The following TACC1 variants were observed in gnomAD, a reference collection of about 807,000 sequenced individuals.
TACC1 encodes the protein transforming acidic coiled-coil-containing protein 1.
Under a neutral mutation model 84.4 loss-of-function variants are expected in TACC1, and 48 were observed. The observed-to-expected ratio is 0.57, with a 90% CI of 0.45 to 0.72. TACC1 has a LOEUF of 0.72. Ranked by LOEUF, TACC1 falls within the 30% of genes least tolerant of loss-of-function variation. The pLI is 0.00. For synonymous variants in TACC1, 372 were observed against 376.3 expected (o/e 0.99, Z 0.13); for missense variants, 920 against 973.0 (o/e 0.95, Z 0.72).
chr8:38,802,572 T>C (rs528974812), intron 2 of TACC1, among the ~76,000 whole-genome samples: 136 of 152,248 alleles, frequency 8.9e-4, no homozygotes, highest in Middle Eastern at 3.4e-3. Context: ...GCCAAAAAGG[T>C]TGGGGACCAC....
At chr8:38,752,933 A>G (rs868348313) in intron 3 of TACC1, among the ~76,000 whole-genome samples, 9 of 152,246 alleles carry the variant, frequency 5.9e-5, no homozygotes, top group Middle Eastern at 3.4e-3. Flanking sequence ...GACAGACAAC[A>G]GCAGGGTTGC....
intron 3 of TACC1, among the ~76,000 whole-genome samples, chr8:38,771,732 T>C (rs1439976212): frequency 1.3e-5 from 2 of 152,186 alleles, no homozygotes; most frequent in Non-Finnish European, 2.9e-5. Flanking sequence ...TTTTACTTTA[T>C]TTATTTGCTT....
At position 38,848,485 on chromosome 8, in the gene TACC1, T is replaced by G. The variant is rs1443640568; in HGVS notation, c.*462T>G. The stretch of plus-strand genomic sequence containing the variant: ...AGTTTGGCCTATTGTTACTTCCAAT[T>G]TATAATCAAGAAGGGGCTCTGGATC... On this transcript the variant is annotated 3_prime_UTR_variant, in exon 13 of 13. Transcript: ENST00000317827. The G allele has an allele frequency of 2.0e-5, 3 of 153,070 alleles. No individual in the cohort carries two copies. The highest frequency in any genetic ancestry group is 7.2e-5 in the African/African-American group (3 of 41,452). 9.5% of individuals were successfully genotyped at this position (153,070 alleles called of 1,614,324 possible).
rs1235111146 is a variant in TACC1 at position 38,741,892 on chromosome 8, T to A, written c.-674-459T>A. The stretch of plus-strand genomic sequence containing the variant: ...GCCAGGGCATAAAAAATAGCCTGTT[T>A]AAAAAAAAATCAATAAAAATCTCAG... On this transcript the variant is annotated intron_variant, in intron 1 of 14. Transcript: ENST00000518415. Among the ~76,000 whole-genome samples, 6 of 151,968 alleles carry A rather than the reference T, an allele frequency of 3.9e-5. No homozygotes were observed. In the East Asian group the frequency reaches 1.2e-3, roughly 29 times the overall value.
chr8:38,759,930 G>A (rs554800155), intron 3 of TACC1, among the ~76,000 whole-genome samples: 21 of 152,170 alleles, frequency 1.4e-4, no homozygotes, highest in African/African-American at 2.2e-4. Context: ...AATGTTACCC[G>A]GCTACAGACT....
intron 1 of TACC1, chr8:38,788,095 CG>C (rs1260709360): frequency 4.1e-6 from 1 of 245,334 alleles, no homozygotes; most frequent in Non-Finnish European, 7.8e-6. Flanking sequence ...AGGGCCCCCC[CG>C]TGGGGAAGAA....
chr8:38,814,605 G>A (rs552982485), intron 2 of TACC1, among the ~76,000 whole-genome samples: 91 of 152,240 alleles, frequency 6.0e-4, no homozygotes, highest in African/African-American at 2.1e-3. Flanking sequence ...ACAGTGACCC[G>A]CACAATGATG....
At chr8:38,757,315 G>A (rs1436196933) in intron 3 of TACC1, 3 of 1,262,722 alleles carry the variant, frequency 2.4e-6, no homozygotes, top group East Asian at 7.1e-5. Context: ...GTGCAGCCCC[G>A]GCCCCAAGTT....
intron 3 of TACC1, among the ~76,000 whole-genome samples, chr8:38,755,812 C>CATGATT (rs1809923459): frequency 6.7e-6 from 1 of 149,926 alleles, no homozygotes; most frequent in Non-Finnish European, 1.5e-5. Context: ...GTGAAGAGAT[C>CATGATT]ATTATTATTA....
In TACC1 at chr8:38,787,729, A is replaced by G; in HGVS notation, c.147A>G (p.Lys49=). The G allele has an allele frequency of 1.3e-6, 2 of 1,545,080 alleles. No homozygotes were observed. The highest frequency in any genetic ancestry group is 1.7e-6 in the Non-Finnish European group (2 of 1,154,172). ...PEEEDSQAET[K]SLSFSSDSEG... is the part of the protein sequence containing the mutation. ...AGGAGGATTCGCAAGCCGAGACCAA[A>G]TCCTTGAGTTTCAGGCAAGTACACG... The change falls in exon 1 of 13, where the codon AAA becomes AAG. Residue 49 remains lysine, a synonymous_variant. Coordinates refer to ENST00000317827, the MANE Select transcript of TACC1 (RefSeq NM_006283.3).
chr8:38,823,869 CAT>C (rs1827431587), intron 3 of TACC1: 1 of 638,712 alleles, frequency 1.6e-6, no homozygotes, highest in Admixed American at 2.1e-5. Flanking sequence ...TATCTCACCT[CAT>C]AGAAAGAATT....
At chr8:38,845,156 C>G (rs910734116) in intron 11 of TACC1, among the ~76,000 whole-genome samples, 1 of 152,190 alleles carries the variant, frequency 6.6e-6, no homozygotes, top group Admixed American at 6.5e-5. Flanking sequence ...AACTTCTGAC[C>G]TCAAGTGATC....
At chr8:38,805,302 C>T (rs894282120) in intron 2 of TACC1, 1 of 152,198 alleles carries the variant, frequency 6.6e-6, no homozygotes, top group Non-Finnish European at 1.5e-5. Flanking sequence ...AGTTGGCTTT[C>T]AAAAATAAAG....
intron 2 of TACC1, among the ~76,000 whole-genome samples, chr8:38,804,401 G>A (rs1269852190): frequency 6.6e-6 from 1 of 152,100 alleles, no homozygotes; most frequent in Non-Finnish European, 1.5e-5. Context: ...CCGGGTTCAA[G>A]CAATTATCCT....
chr8:38,819,399 A>G, intron 2 of TACC1, 123 bp from the exon 3 acceptor site: 1 of 1,134,272 alleles, frequency 8.8e-7, no homozygotes. Context: ...CCTGAACTTT[A>G]GAGATGCTTA....
intron 7 of TACC1, among the ~76,000 whole-genome samples, chr8:38,837,326 G>C (rs962313367): frequency 3.9e-5 from 6 of 151,988 alleles, no homozygotes; most frequent in African/African-American, 1.4e-4. Context: ...GGGAGGCTGA[G>C]GTGGGAGAAT....
rs1006460545 is a variant in TACC1, at chr8:38,847,825, T to C, written c.2350-130T>C. ...TTTTTTCTTTAAAGCATCTCTGATG[T>C]AGAAAAGTTAAAAATCACTGAATTA... is the stretch of plus-strand genomic sequence containing the variant. On this transcript the variant is annotated intron_variant, in intron 12 of 12. Transcript: ENST00000317827. 12 of 667,640 alleles carry C rather than the reference T, an allele frequency of 1.8e-5. No homozygotes were observed. In the Admixed American group the frequency reaches 3.4e-4, roughly 19 times the overall value. 41.4% of individuals were successfully genotyped at this position (667,640 alleles called of 1,614,324 possible). A position where few individuals can be genotyped will look rare whatever the true frequency, so the allele number is the denominator to read the frequency against.
At chr8:38,786,351 T>C (rs1206302637), upstream of TACC1, among the ~76,000 whole-genome samples, 1 of 152,192 alleles carries the variant, frequency 6.6e-6, no homozygotes, top group Non-Finnish European at 1.5e-5. Flanking sequence ...GGCTTGTTAC[T>C]GAAGCAGCGA....
intron 3 of TACC1, among the ~76,000 whole-genome samples, chr8:38,752,364 G>T (rs529227902): frequency 6.6e-6 from 1 of 151,988 alleles, no homozygotes; most frequent in African/African-American, 2.4e-5. Context: ...GCAGCTACTC[G>T]GGAGGCTGAG....
Sources: gnomAD v4.1 joint callset for allele counts (sites outside exome capture counted in the v4.1 genomes callset) on GRCh38, gnomAD v4.1.1 for gene constraint, MANE v1.5 for transcripts, NCBI Gene and HGNC (gene_info 2026-07-23, HGNC 2026-07-21) for gene names.